The following WDR17 variants were observed in gnomAD, a reference collection of about 807,000 sequenced individuals.
The protein encoded by WDR17 is WD repeat domain 17, also known as WD repeat-containing protein 17.
A neutral mutation model predicts 161.7 loss-of-function variants in WDR17; 143 were observed. The ratio of observed to expected loss-of-function variants is 0.88; its 90% CI spans 0.77 to 1.02. The LOEUF is 1.02. Among genes scored for constraint, WDR17 ranks in the 50% least tolerant of loss-of-function variants. The probability of loss-of-function intolerance (pLI) is 0.00; values close to 1 mark genes in which losing one functional copy is unlikely to be tolerated. For missense variants in WDR17, 1,469 were observed against 1,520.9 expected (o/e 0.97, Z 0.57); for synonymous variants, 517 against 515.6 (o/e 1.00, Z -0.04).
At chr4:176,102,303 T>A (rs1364051368) in intron 1 of WDR17, among the ~76,000 whole-genome samples, 1 of 152,150 alleles carries the variant, frequency 6.6e-6, no homozygotes, top group East Asian at 1.9e-4. Flanking sequence ...ATTAAATCAA[T>A]TAGATACCAC....
chr4:176,079,343 A>G (rs1300537945), intron 1 of WDR17, among the ~76,000 whole-genome samples: 1 of 152,078 alleles, frequency 6.6e-6, no homozygotes, highest in Non-Finnish European at 1.5e-5. Context: ...GGGAGTGGAG[A>G]TATCTTTTGG....
chr4:176,115,754 A>G, intron 2 of WDR17, 42 bp from the exon 3 acceptor site: 1 of 1,456,702 alleles, frequency 6.9e-7, no homozygotes, highest in Middle Eastern at 2.5e-4. Context: ...TATTATCTTA[A>G]AAAGGAGCAC....
chr4:176,167,661 A>AACAACAAC lies in WDR17; in HGVS notation c.2991-1010_2991-1009insCAACAACA, dbSNP rs1554036557. Among the ~76,000 whole-genome samples the AACAACAAC allele has an allele frequency of 5.3e-5, 6 of 113,736 alleles. 1 individual carries two copies. The highest frequency in any genetic ancestry group is 5.9e-4 in the South Asian group (2 of 3,404). 74.6% of individuals were successfully genotyped at this position (113,736 alleles called of 152,430 possible). A position where few individuals can be genotyped will look rare whatever the true frequency, so the allele number is the denominator to read the frequency against. Reference sequence around the variant, plus strand: ...CTCCGTCTCAAAAAAAAAAAAAAAAAAAAAAAAAAAACAATATCTTGAATT... The same window carrying AACAACAAC: ...CTCCGTCTCAAAAAAAAAAAAAAAAAACAACAACAAAAAAAAAAACAATATCTTGAATT... On this transcript the variant is annotated intron_variant, in intron 22 of 28. Coordinates refer to ENST00000508596, the MANE Select transcript of WDR17 (RefSeq NM_181265.4).
intron 22 of WDR17, among the ~76,000 whole-genome samples, chr4:176,167,661 A>AAAACAAC (rs373607037): frequency 0.16 from 17,959 of 113,690 alleles, 3,222 homozygotes; most frequent in South Asian, 0.23. Flanking sequence ...AAAAAAAAAA[A>AAAACAAC]AAAAAAAAAA....
At chr4:176,172,574 T>C in intron 24 of WDR17, 58 bp downstream of exon 24, 1 of 1,398,488 alleles carries the variant, frequency 7.2e-7, no homozygotes, top group South Asian at 1.4e-5. Context: ...ATCGTTGTTT[T>C]CATACTGATG....
Position 176,149,174 on chromosome 4 carries a change from T to TAA in WDR17, c.1898-633_1898-632insAA, listed in dbSNP as rs1223799530. The stretch of plus-strand genomic sequence containing the variant: ...GGTTTTATAGTATACTTGTTGCTGC[T>TAA]TAACCACACGAAATATACTTTTAAC... On this transcript the variant is annotated intron_variant, in intron 13 of 28. Transcript: ENST00000508596. 2.2e-3 allele frequency among the ~76,000 whole-genome samples: 341 copies of TAA among 152,352 alleles called. 2 individuals are homozygous for TAA. Among genetic ancestry groups the TAA allele is most frequent in the African/African-American group, 7.9e-3 (328 of 41,584 alleles).
At chr4:176,098,036 G>T (rs1462650545) in intron 1 of WDR17, 4 of 151,840 alleles carry the variant, frequency 2.6e-5, no homozygotes, top group African/African-American at 9.7e-5. Context: ...GTGAGTTTGA[G>T]CTCCTTCCGG....
chr4:176,073,373 C>G (rs1325197570), intron 1 of WDR17, among the ~76,000 whole-genome samples: 1 of 151,966 alleles, frequency 6.6e-6, no homozygotes, highest in African/African-American at 2.4e-5. Context: ...TTTGTCCTTG[C>G]GATAGTTTGC....
Position 176,181,789 on chromosome 4 carries a change from GA to G in WDR17, c.*2212del, listed in dbSNP as rs1332469154. ...CAATCATTACTTCTGTATTTTTAATGAATGCAGGAAAATAATATTTTTATGT... is the reference window on the plus strand; with the variant it reads ...CAATCATTACTTCTGTATTTTTAATGATGCAGGAAAATAATATTTTTATGT... On this transcript the variant is annotated 3_prime_UTR_variant, in exon 29 of 29. Transcript: ENST00000508596. 3 of 151,980 alleles carry G rather than the reference GA, an allele frequency of 2.0e-5. No individual in the cohort carries two copies. The highest frequency in any genetic ancestry group is 4.4e-5 in the Non-Finnish European group (3 of 67,924). 9.4% of individuals were successfully genotyped at this position (151,980 alleles called of 1,614,324 possible). A position where few individuals can be genotyped will look rare whatever the true frequency, so the allele number is the denominator to read the frequency against.
At chr4:176,120,319 T>TATATATATATATATATATAA (rs1491272016) in intron 4 of WDR17, among the ~76,000 whole-genome samples, 19 of 138,782 alleles carry the variant, frequency 1.4e-4, no homozygotes, top group African/African-American at 4.5e-4. Context: ...TATATATATA[T>TATATATATATATATATATAA]AATACATTCA....
intron 1 of WDR17, among the ~76,000 whole-genome samples, chr4:176,080,112 A>G (rs1734553316): frequency 6.6e-6 from 1 of 152,052 alleles, no homozygotes; most frequent in Non-Finnish European, 1.5e-5. Context: ...AGCAGTCATC[A>G]GTAGCTATTT....
chr4:176,067,771 T>A (rs1316568789), intron 1 of WDR17, among the ~76,000 whole-genome samples: 1 of 152,210 alleles, frequency 6.6e-6, no homozygotes, highest in Non-Finnish European at 1.5e-5. Context: ...CTATCTTGTA[T>A]CCTTTAGTCT....
intron 4 of WDR17, among the ~76,000 whole-genome samples, chr4:176,124,824 A>C (rs1193913869): frequency 6.6e-6 from 1 of 152,162 alleles, no homozygotes; most frequent in East Asian, 1.9e-4. Context: ...AGAGTATGTT[A>C]TTTATCTGTA....
intron 25 of WDR17, among the ~76,000 whole-genome samples, chr4:176,174,166 G>A (rs1302986980): frequency 6.6e-6 from 1 of 152,010 alleles, no homozygotes; most frequent in Admixed American, 6.6e-5. Flanking sequence ...TAATTTACAA[G>A]AGAGGCTTTG....
chr4:176,168,961 CTTGGCACTCTTCTAAATCT>C (rs1252509943), intron 23 of WDR17, among the ~76,000 whole-genome samples, 178 bp downstream of exon 23: 1 of 152,140 alleles, frequency 6.6e-6, no homozygotes, highest in Non-Finnish European at 1.5e-5. Context: ...CTGCTATGTG[CTTGGCACTCTTCTAAATCT>C]TTACATGTAT....
chr4:176,159,511 G>A (rs1748706941), intron 18 of WDR17, among the ~76,000 whole-genome samples: 1 of 151,784 alleles, frequency 6.6e-6, no homozygotes, highest in African/African-American at 2.4e-5. Flanking sequence ...ACATTTTATT[G>A]TTAATATTTA....
At chr4:176,138,587 T>C (rs1219480189) in intron 9 of WDR17, among the ~76,000 whole-genome samples, 1 of 151,782 alleles carries the variant, frequency 6.6e-6, no homozygotes, top group Non-Finnish European at 1.5e-5. Flanking sequence ...AAAACAACAA[T>C]TTATTCCATA....
In WDR17 at chr4:176,119,996, A is replaced by T. The variant is rs745419684; in HGVS notation, c.437A>T (p.His146Leu). The T allele has an allele frequency of 9.3e-6, 15 of 1,613,900 alleles. No homozygotes were observed. The highest frequency in any genetic ancestry group is 1.3e-5 in the Non-Finnish European group (15 of 1,179,936). Residue 146 changes from histidine to leucine, a missense_variant, in exon 4 of 29, where the codon CAT (histidine) becomes CTT (leucine). His to Leu is a moderately conservative substitution (Grantham distance 99, BLOSUM62 -3). Coordinates refer to ENST00000508596, the MANE Select transcript of WDR17 (RefSeq NM_181265.4). ...GGAGTGATTGTACACAAAGATGCTC[A>T]TAGCTTCTTGTCTGATATCTGTATG... Reference protein sequence around the residue: ...DSGVIVHKDAHSFLSDICMFR... With the variant: ...DSGVIVHKDALSFLSDICMFR...
intron 18 of WDR17, among the ~76,000 whole-genome samples, chr4:176,157,321 G>A (rs1053033505): frequency 6.6e-6 from 1 of 152,096 alleles, no homozygotes; most frequent in Non-Finnish European, 1.5e-5. Flanking sequence ...AAGGTTTAGT[G>A]GCAAAAAATC....
Sources: allele counts gnomAD v4.1 joint callset (sites outside exome capture counted in the v4.1 genomes callset), GRCh38; gene constraint gnomAD v4.1.1; transcripts MANE v1.5; gene names NCBI Gene and HGNC (gene_info 2026-07-23, HGNC 2026-07-21).